LUZP2: variants seen among roughly 807,000 people sequenced by gnomAD.
The protein encoded by LUZP2 is leucine zipper protein 2.
Under a neutral mutation model 51.6 loss-of-function variants are expected in LUZP2, and 52 were observed. The observed-to-expected ratio is 1.01, with a 90% CI of 0.81 to 1.27. LUZP2 has a LOEUF of 1.27. Ranked by LOEUF, LUZP2 falls within the 50% of genes most tolerant of loss-of-function variation. The pLI is 0.00. For synonymous variants in LUZP2, 154 were observed against 137.3 expected, an observed-to-expected ratio of 1.12 and a Z score of -0.85; for missense variants, 436 against 395.4, an observed-to-expected ratio of 1.10 and a Z score of -0.87.
At position 24,611,041 on chromosome 11, in the gene LUZP2, C is replaced by T. The variant is rs1042465101; in HGVS notation, c.62+113736C>T. On this transcript the variant is annotated intron_variant, in intron 1 of 11. Coordinates refer to ENST00000336930, the MANE Select transcript of LUZP2 (RefSeq NM_001009909.4). This position sits in a 1 kb window ranked among gnomAD's most constrained non-coding sequence, Gnocchi z 4.6. ...TCTTAAATTGTTATAATGTACCTTA[C>T]ATGACATAGCTTTGTTTTTTTTTAT... Among the ~76,000 whole-genome samples, 4 of 151,478 alleles carry T rather than the reference C, an allele frequency of 2.6e-5. No homozygotes were observed. The highest frequency in any genetic ancestry group is 6.6e-5 in the Admixed American group (1 of 15,094).
chr11:24,974,152 T>A (rs1256414952), intron 7 of LUZP2, among the ~76,000 whole-genome samples: 1 of 152,186 alleles, frequency 6.6e-6, no homozygotes, highest in Non-Finnish European at 1.5e-5. Flanking sequence ...AATAGTTAGC[T>A]CTTCTTGTGG....
chr11:24,526,559 T>G (rs181066809), intron 1 of LUZP2, among the ~76,000 whole-genome samples: 2 of 151,306 alleles, frequency 1.3e-5, no homozygotes, highest in Admixed American at 6.6e-5. Context: ...CACAAAATTA[T>G]GTTTCTTTTC....
chr11:24,725,630 T>TG (rs1858446294), intron 1 of LUZP2, among the ~76,000 whole-genome samples: 1 of 151,610 alleles, frequency 6.6e-6, no homozygotes, highest in Non-Finnish European at 1.5e-5. Context: ...ATAAGAGGTA[T>TG]GAAAAAAAAA....
intron 1 of LUZP2, among the ~76,000 whole-genome samples, chr11:24,627,328 G>T (rs1236873673): frequency 6.6e-6 from 1 of 152,066 alleles, no homozygotes; most frequent in Non-Finnish European, 1.5e-5. Flanking sequence ...AAAAGAGAAG[G>T]TTTTTCAGCT....
intron 5 of LUZP2, among the ~76,000 whole-genome samples, chr11:24,877,039 A>C (rs961995756): frequency 1.2e-4 from 19 of 152,210 alleles, no homozygotes; most frequent in African/African-American, 4.6e-4. Context: ...TGGGGTTTCT[A>C]TCTCACATAG....
rs117429355 is a variant in LUZP2, at chr11:24,637,443, C to T, written c.63-91726C>T. 7.3e-3 allele frequency among the ~76,000 whole-genome samples: 1,112 copies of T among 151,882 alleles called. 8 individuals carry two copies. Among genetic ancestry groups the T allele is most frequent in the Non-Finnish European group, 0.011 (718 of 68,024 alleles). On this transcript the variant is annotated intron_variant, in intron 1 of 11. Coordinates refer to ENST00000336930, the MANE Select transcript of LUZP2 (RefSeq NM_001009909.4). ...ACCCTGAAAAAGAACAGAATAACAG[C>T]TATTTTCAGAGAACAAGGAAAGATA...
intron 5 of LUZP2, among the ~76,000 whole-genome samples, chr11:24,807,692 T>C (rs1340143401): frequency 6.6e-6 from 1 of 152,104 alleles, no homozygotes; most frequent in African/African-American, 2.4e-5. Flanking sequence ...CAGATTCATG[T>C]TGGCCTCTCT....
intron 1 of LUZP2, among the ~76,000 whole-genome samples, chr11:24,695,204 ATAT>A (rs1590358933): frequency 6.6e-6 from 1 of 152,146 alleles, no homozygotes; most frequent in African/African-American, 2.4e-5. Flanking sequence ...ATTCTAGGAA[ATAT>A]TATGCAAGAT....
intron 5 of LUZP2, among the ~76,000 whole-genome samples, chr11:24,875,452 A>G (rs1311306906): frequency 0.012 from 1,635 of 136,280 alleles, 23 homozygotes; most frequent in Non-Finnish European, 0.017. Context: ...TTATGGCTGC[A>G]TAGTATTCCA....
intron 1 of LUZP2, among the ~76,000 whole-genome samples, chr11:24,702,951 T>C (rs993904655): frequency 6.6e-6 from 1 of 152,174 alleles, no homozygotes; most frequent in Non-Finnish European, 1.5e-5. Context: ...AGCATGCACA[T>C]ATATATCCTT....
At chr11:24,896,808 G>A (rs867532992) in intron 5 of LUZP2, among the ~76,000 whole-genome samples, 1 of 152,346 alleles carries the variant, frequency 6.6e-6, no homozygotes, top group African/African-American at 2.4e-5. Flanking sequence ...CTGGAGGATT[G>A]TATATGCACC....
chr11:24,951,678 C>T (rs1050239597), intron 7 of LUZP2, among the ~76,000 whole-genome samples: 7 of 151,430 alleles, frequency 4.6e-5, no homozygotes, highest in South Asian at 2.1e-4. Context: ...TACTAGAGAT[C>T]AGTAGGTTTT....
chr11:24,763,237 C>CT lies in LUZP2; in HGVS notation c.334-9_334-8insT, dbSNP rs1860050121. On this transcript the variant is annotated splice_polypyrimidine_tract_variant and intron_variant, in intron 4 of 11. Transcript: ENST00000336930. The stretch of plus-strand genomic sequence containing the variant: ...GAATGTGTCTACATAATAGTCTATT[C>CT]ATTTTCAGATTAATTTTTTAAAGAC... 7.7e-7 allele frequency: 1 copy of CT among 1,296,768 alleles called. No individual in the cohort carries two copies. The highest frequency in any genetic ancestry group is 2.5e-5 in the Admixed American group (1 of 39,884). The allele number at this position is 1,296,768 out of a possible 1,614,324, so 80.3% of individuals were successfully genotyped here.
At chr11:25,050,233 A>T in intron 10 of LUZP2, 103 bp downstream of exon 10, 1 of 447,790 alleles carries the variant, frequency 2.2e-6, no homozygotes, top group East Asian at 3.6e-5. Context: ...TTTATATGTA[A>T]TATCTACTAT....
At chr11:25,072,706 A>G (rs1565311163) in intron 10 of LUZP2, among the ~76,000 whole-genome samples, 1 of 152,100 alleles carries the variant, frequency 6.6e-6, no homozygotes, top group Non-Finnish European at 1.5e-5. Context: ...TTATTTAAGA[A>G]TTAAATTATG....
intron 1 of LUZP2, among the ~76,000 whole-genome samples, chr11:24,625,704 TA>T (rs78453169): frequency 0.012 from 1,677 of 137,240 alleles, 23 homozygotes; most frequent in African/African-American, 0.036. Context: ...CTGTATTATC[TA>T]AAAAAAAAAA....
intron 5 of LUZP2, among the ~76,000 whole-genome samples, chr11:24,824,394 T>C (rs1362221707): frequency 1.8e-4 from 4 of 22,500 alleles, no homozygotes; most frequent in African/African-American, 4.6e-4. Context: ...AAAAAAAAAA[T>C]GAGTGGTACC....
intron 7 of LUZP2, among the ~76,000 whole-genome samples, chr11:24,958,480 G>A (rs1460008599): frequency 6.6e-6 from 1 of 152,158 alleles, no homozygotes; most frequent in African/African-American, 2.4e-5. Context: ...TTGTGGTTTT[G>A]ATTTGCATTT....
At chr11:25,037,342 A>G (rs1857897843) in intron 9 of LUZP2, among the ~76,000 whole-genome samples, 1 of 152,076 alleles carries the variant, frequency 6.6e-6, no homozygotes, top group Non-Finnish European at 1.5e-5. Flanking sequence ...TGAGCTTGTG[A>G]GTGTTGTTAC....
Sources: allele counts gnomAD v4.1 joint callset (sites outside exome capture counted in the v4.1 genomes callset), GRCh38; gene constraint gnomAD v4.1.1; non-coding constraint Gnocchi (gnomAD v3.1); transcripts MANE v1.5; gene names NCBI Gene and HGNC (gene_info 2026-07-23, HGNC 2026-07-21).